The following RAD18 variants were observed in gnomAD, a reference collection of about 807,000 sequenced individuals.
The protein encoded by RAD18 is E3 ubiquitin-protein ligase RAD18.
In RAD18, 47 loss-of-function variants were observed where a neutral mutation model predicts 60.4. The ratio of observed to expected loss-of-function variants is 0.78; its 90% CI spans 0.62 to 0.99. The LOEUF (loss-of-function observed/expected upper bound fraction) is 0.99. RAD18 is among the 50% of genes least tolerant of loss of function. RAD18 has a pLI of 0.00. For synonymous variants in RAD18, 225 were observed against 195.5 expected (o/e 1.15, Z -1.26); for missense variants, 640 against 593.3 (o/e 1.08, Z -0.82).
intron 2 of RAD18, among the ~76,000 whole-genome samples, chr3:8,958,554 A>G (rs1423108045): frequency 1.3e-5 from 2 of 152,198 alleles, no homozygotes; most frequent in Non-Finnish European, 2.9e-5. Context: ...AAACTTTGAA[A>G]TTCTATATCA....
rs141133268 is a variant in RAD18, at chr3:8,944,979, A to G, written c.266+2241T>C. 1.9e-3 allele frequency among the ~76,000 whole-genome samples: 290 copies of G among 152,380 alleles called. 2 individuals are homozygous for G. Among genetic ancestry groups the G allele is most frequent in the African/African-American group, 6.3e-3 (264 of 41,592 alleles). On this transcript the variant is annotated intron_variant, in intron 4 of 12. Coordinates refer to ENST00000264926, the MANE Select transcript of RAD18 (RefSeq NM_020165.4). ...ATCACAGAGCAAAAATGTTCAAAAA[A>G]TAATAAAAGTAACAATACAACAATG...
At chr3:8,941,918 C>T in intron 4 of RAD18, 114 bp from the exon 5 acceptor site, 1 of 990,550 alleles carries the variant, frequency 1.0e-6, no homozygotes, top group Non-Finnish European at 1.5e-6. Flanking sequence ...AGGACCTATA[C>T]TATAATGACA....
chr3:8,918,477 C>T lies in RAD18; in HGVS notation c.890-4757G>A, dbSNP rs115289883. ...ACAAGATGGATTAGACTCATTTCTCCGCTAAGTACAACTAAAAACCCTGAT... is the reference window on the plus strand; with the variant it reads ...ACAAGATGGATTAGACTCATTTCTCTGCTAAGTACAACTAAAAACCCTGAT... On this transcript the variant is annotated intron_variant, in intron 7 of 12. Transcript: ENST00000264926. Among the ~76,000 whole-genome samples the T allele has an allele frequency of 7.5e-3, 1,147 of 152,134 alleles. 17 individuals carry two copies. The highest frequency in any genetic ancestry group is 0.026 in the African/African-American group (1,071 of 41,508).
intron 7 of RAD18, among the ~76,000 whole-genome samples, chr3:8,928,399 T>A (rs660158): frequency 0.31 from 46,871 of 151,954 alleles, 7,767 homozygotes; most frequent in East Asian, 0.65. Flanking sequence ...AATTAAATTA[T>A]AAAATAAAAT....
intron 6 of RAD18, among the ~76,000 whole-genome samples, chr3:8,938,179 A>G (rs1940685387): frequency 6.6e-6 from 1 of 152,214 alleles, no homozygotes; most frequent in South Asian, 2.1e-4. Context: ...CTAAAAATCT[A>G]AATTTTATTC....
intron 3 of RAD18, among the ~76,000 whole-genome samples, chr3:8,948,002 T>C (rs1327557577): frequency 6.6e-6 from 1 of 152,210 alleles, no homozygotes; most frequent in Non-Finnish European, 1.5e-5. Context: ...TTATGTTTAA[T>C]TACCCTTTTA....
intron 11 of RAD18, among the ~76,000 whole-genome samples, chr3:8,893,484 C>A (rs78699042): frequency 6.6e-6 from 1 of 152,146 alleles, no homozygotes; most frequent in East Asian, 1.9e-4. Flanking sequence ...TACCATGAAT[C>A]TTCCCTCAAA....
intron 11 of RAD18, among the ~76,000 whole-genome samples, chr3:8,891,789 T>C (rs1202650290): frequency 6.6e-6 from 1 of 152,270 alleles, no homozygotes; most frequent in Non-Finnish European, 1.5e-5. Flanking sequence ...GATTATCTGC[T>C]ATATCTGCTG....
intron 7 of RAD18, among the ~76,000 whole-genome samples, chr3:8,928,697 T>C (rs1940493949): frequency 6.6e-6 from 1 of 152,200 alleles, no homozygotes; most frequent in Non-Finnish European, 1.5e-5. Context: ...TCTCAGTAAT[T>C]GATAGAATCA....
At chr3:8,919,374 A>G (rs1446745284) in intron 7 of RAD18, among the ~76,000 whole-genome samples, 1 of 152,254 alleles carries the variant, frequency 6.6e-6, no homozygotes, top group African/African-American at 2.4e-5. Flanking sequence ...CACGACTCGA[A>G]TGAAAAAAGA....
chr3:8,932,008 G>C (rs1458661472), intron 7 of RAD18, among the ~76,000 whole-genome samples: 2 of 152,042 alleles, frequency 1.3e-5, no homozygotes, highest in Non-Finnish European at 2.9e-5. Context: ...AAATGAAAAT[G>C]GATCATAGAT....
At chr3:8,957,677 T>C (rs1243358607) in intron 2 of RAD18, among the ~76,000 whole-genome samples, 1 of 152,156 alleles carries the variant, frequency 6.6e-6, no homozygotes, top group African/African-American at 2.4e-5. Flanking sequence ...TTGGTTTTAG[T>C]GGGCAGTAGT....
intron 10 of RAD18, among the ~76,000 whole-genome samples, chr3:8,900,492 C>A (rs948314893): frequency 6.6e-6 from 1 of 152,152 alleles, no homozygotes; most frequent in Non-Finnish European, 1.5e-5. Flanking sequence ...AAGATATATT[C>A]CCTCTTGGGA....
intron 7 of RAD18, among the ~76,000 whole-genome samples, chr3:8,926,243 T>C (rs528686782): frequency 1.1e-3 from 173 of 152,190 alleles, no homozygotes; most frequent in African/African-American, 3.9e-3. Flanking sequence ...TGTGCAAAAA[T>C]CACAAGCATT....
chr3:8,963,066 C>T (rs45585931), intron 1 of RAD18, among the ~76,000 whole-genome samples: 2,367 of 152,296 alleles, frequency 0.016, 19 homozygotes, highest in Middle Eastern at 0.058. Flanking sequence ...CTGTTTTTCT[C>T]CATGTTATTG....
chr3:8,922,663 T>C (rs1695291), intron 7 of RAD18, among the ~76,000 whole-genome samples: 104,420 of 151,702 alleles, frequency 0.69, 36,477 homozygotes, highest in Middle Eastern at 0.77. Flanking sequence ...GGGAGGCACC[T>C]CCCAGTAGGG....
chr3:8,933,605 C>A (rs769346694), intron 7 of RAD18, among the ~76,000 whole-genome samples: 1 of 152,140 alleles, frequency 6.6e-6, no homozygotes, highest in African/African-American at 2.4e-5. Flanking sequence ...TCGTGTACCA[C>A]TGCATCAAAA....
At chr3:8,931,062 AAAAT>A (rs1440885283) in intron 7 of RAD18, among the ~76,000 whole-genome samples, 2 of 151,648 alleles carry the variant, frequency 1.3e-5, no homozygotes, top group East Asian at 1.9e-4. Flanking sequence ...TCGACTGAAA[AAAAT>A]AAATAAATAA....
rs45463900 is a variant in RAD18, at chr3:8,879,787, C to T, written c.*1570G>A. ...TCAGCACAGTGACAGACATAGATAA[C>T]CAAATATTTGCTGAATGAACTCATG... On this transcript the variant is annotated 3_prime_UTR_variant, in exon 13 of 13. Coordinates refer to ENST00000264926, the MANE Select transcript of RAD18 (RefSeq NM_020165.4). 7.9e-5 allele frequency: 12 copies of T among 152,356 alleles called. 1 individual carries two copies. In the East Asian group the frequency reaches 2.3e-3, roughly 29 times the overall value. 9.4% of individuals were successfully genotyped at this position (152,356 alleles called of 1,614,324 possible). A position where few individuals can be genotyped will look rare whatever the true frequency, so the allele number is the denominator to read the frequency against.
Sources: allele counts gnomAD v4.1 joint callset (sites outside exome capture counted in the v4.1 genomes callset), GRCh38; gene constraint gnomAD v4.1.1; transcripts MANE v1.5; gene names NCBI Gene and HGNC (gene_info 2026-07-23, HGNC 2026-07-21).